Variants in XKR6 observed in about 807,000 individuals in gnomAD.
The protein encoded by XKR6 is XK related 6.
A neutral mutation model predicts 56.7 loss-of-function variants in XKR6; 22 were observed. The observed-to-expected ratio is 0.39, with a 90% CI of 0.28 to 0.55. The LOEUF is 0.55. Among genes scored for constraint, XKR6 ranks in the 20% least tolerant of loss-of-function variants. The pLI, the probability that XKR6 is intolerant of heterozygous loss-of-function variation, is 0.66. For synonymous variants in XKR6, 524 were observed against 387.8 expected, an observed-to-expected ratio of 1.35 and a Z score of -4.13; for missense variants, 852 against 889.0, an observed-to-expected ratio of 0.96 and a Z score of 0.53.
chr8:10,941,129 C>G (rs1801374341), intron 1 of XKR6, among the ~76,000 whole-genome samples: 1 of 152,126 alleles, frequency 6.6e-6, no homozygotes, highest in Non-Finnish European at 1.5e-5. Flanking sequence ...GACACGGAGA[C>G]CCCTCCAGGC....
chr8:11,131,390 T>A (rs1001363522), intron 1 of XKR6, among the ~76,000 whole-genome samples: 3 of 152,140 alleles, frequency 2.0e-5, no homozygotes, highest in South Asian at 2.1e-4. Flanking sequence ...GTAATTAACA[T>A]AGAAGGCATG....
intron 1 of XKR6, among the ~76,000 whole-genome samples, chr8:11,149,941 A>T (rs1801185809): frequency 6.6e-6 from 1 of 152,226 alleles, no homozygotes; most frequent in Admixed American, 6.5e-5. Flanking sequence ...GTCATGGATG[A>T]AACTGAAGGT....
intron 1 of XKR6, among the ~76,000 whole-genome samples, chr8:11,076,407 C>A (rs1286789919): frequency 6.6e-6 from 1 of 152,106 alleles, no homozygotes; most frequent in South Asian, 2.1e-4. Flanking sequence ...ATTTTACGAT[C>A]GTGACTTGAA....
At chr8:11,102,079 C>G (rs886070321) in intron 1 of XKR6, among the ~76,000 whole-genome samples, 4 of 152,198 alleles carry the variant, frequency 2.6e-5, no homozygotes, top group African/African-American at 9.7e-5. Flanking sequence ...GCTGGAAAAG[C>G]AGTCACTGGC....
intron 1 of XKR6, among the ~76,000 whole-genome samples, chr8:10,975,904 G>T (rs1023179781): frequency 6.6e-6 from 1 of 152,256 alleles, no homozygotes; most frequent in African/African-American, 2.4e-5. Context: ...CCACCACGCA[G>T]TGGCTCACGC....
At chr8:11,148,815 A>C (rs1435376133) in intron 1 of XKR6, among the ~76,000 whole-genome samples, 2 of 152,242 alleles carry the variant, frequency 1.3e-5, no homozygotes, top group Non-Finnish European at 2.9e-5. Context: ...TGGTGTTTCC[A>C]TATGATGCAA....
chr8:11,134,203 AAAC>A (rs1326562739), intron 1 of XKR6, among the ~76,000 whole-genome samples: 1 of 152,082 alleles, frequency 6.6e-6, no homozygotes, highest in African/African-American at 2.4e-5. Context: ...CTATGTCCCC[AAAC>A]AACCCTCTCC....
At chr8:10,916,237 CT>C (rs2129113499) in intron 2 of XKR6, among the ~76,000 whole-genome samples, 1 of 152,366 alleles carries the variant, frequency 6.6e-6, no homozygotes, top group East Asian at 1.9e-4. Context: ...ACAAATTTTA[CT>C]TCTCATTCCT....
At chr8:10,944,277 T>C (rs1054734022) in intron 1 of XKR6, among the ~76,000 whole-genome samples, 3 of 152,170 alleles carry the variant, frequency 2.0e-5, no homozygotes, top group Admixed American at 6.5e-5. Context: ...GGGCAGCAGC[T>C]AAATTCAAGC....
intron 1 of XKR6, among the ~76,000 whole-genome samples, chr8:11,007,869 G>T (rs1798406806): frequency 6.6e-6 from 1 of 152,054 alleles, no homozygotes; most frequent in Non-Finnish European, 1.5e-5. Context: ...AAATTCGGGA[G>T]TGCACAACAA....
chr8:11,070,336 T>C (rs1398325367), intron 1 of XKR6, among the ~76,000 whole-genome samples: 1 of 152,206 alleles, frequency 6.6e-6, no homozygotes, highest in South Asian at 2.1e-4. Context: ...AGCAGTACAC[T>C]TCACTGAAAA....
Position 11,089,152 on chromosome 8 carries a change from A to G in XKR6, c.764+111424T>C, listed in dbSNP as rs546793630. 3.9e-5 allele frequency among the ~76,000 whole-genome samples: 6 copies of G among 152,306 alleles called. No individual in the cohort carries two copies. The East Asian group carries it at 1.2e-3, about 29-fold the overall frequency. On this transcript the variant is annotated intron_variant, in intron 1 of 2. Coordinates refer to ENST00000416569, the MANE Select transcript of XKR6 (RefSeq NM_173683.4). Reference sequence around the variant, plus strand: ...AGGTCCACTGGAGCATAAAGCTAGAATGAAACCAGGGAGTGGAGGGCCACA... The same window carrying G: ...AGGTCCACTGGAGCATAAAGCTAGAGTGAAACCAGGGAGTGGAGGGCCACA...
In XKR6 at chr8:11,144,886, GGAAGGGGAAGGA is replaced by G. The variant is rs373202841; in HGVS notation, c.764+55678_764+55689del. Among the ~76,000 whole-genome samples, 617 of 148,884 alleles carry G rather than the reference GGAAGGGGAAGGA, an allele frequency of 4.1e-3. 4 individuals carry two copies. The highest frequency in any genetic ancestry group is 0.014 in the African/African-American group (579 of 40,998). On this transcript the variant is annotated intron_variant, in intron 1 of 2. Coordinates refer to ENST00000416569, the MANE Select transcript of XKR6 (RefSeq NM_173683.4). Reference sequence around the variant, plus strand: ...GGTAGGGAGGGGAAAGGAGAGAAGGGGAAGGGGAAGGAGAAGGGGAAGGGGAAGGGAAAGAAG... The same window carrying G: ...GGTAGGGAGGGGAAAGGAGAGAAGGGGAAGGGGAAGGGGAAGGGAAAGAAG...
intron 1 of XKR6, among the ~76,000 whole-genome samples, chr8:11,039,500 T>C (rs1303787183): frequency 6.6e-6 from 1 of 152,224 alleles, no homozygotes; most frequent in Non-Finnish European, 1.5e-5. Context: ...TGTGTGCCTT[T>C]TCTCTTCCGA....
chr8:10,912,656 A>ATATATGTAAAGAGAGAAAGAGGGGG (rs1428431550), intron 2 of XKR6, among the ~76,000 whole-genome samples: 1 of 44,218 alleles, frequency 2.3e-5, no homozygotes, highest in African/African-American at 1.2e-4. Context: ...GGGTGTCTAT[A>ATATATGTAAAGAGAGAAAGAGGGGG]TGTGTGTCTA....
intron 1 of XKR6, among the ~76,000 whole-genome samples, chr8:11,002,948 T>C (rs1403984476): frequency 1.3e-5 from 2 of 151,922 alleles, no homozygotes; most frequent in Non-Finnish European, 2.9e-5. Context: ...AGGAGGCCCT[T>C]GTTGGGGCAC....
intron 1 of XKR6, among the ~76,000 whole-genome samples, chr8:11,129,846 T>C (rs1563159143): frequency 6.6e-6 from 1 of 151,654 alleles, no homozygotes; most frequent in Non-Finnish European, 1.5e-5. Flanking sequence ...AAGTTCACAA[T>C]AAATGTGTGA....
At position 10,987,719 on chromosome 8, in the gene XKR6, G is replaced by C. The variant is rs117733062; in HGVS notation, c.765-62889C>G. Among the ~76,000 whole-genome samples, 119 of 152,308 alleles carry C rather than the reference G, an allele frequency of 7.8e-4. No individual in the cohort carries two copies. In the East Asian group the frequency reaches 0.016, roughly 20 times the overall value. On this transcript the variant is annotated intron_variant, in intron 1 of 2. Transcript: ENST00000416569. ...CACTTCACCTAGATTAAGACCCCAA[G>C]CATTTACTATGGCCCCAAGATTTCC...
rs185451093 is a variant in XKR6, at chr8:11,081,301, G to T, written c.764+119275C>A. On this transcript the variant is annotated intron_variant, in intron 1 of 2. Transcript: ENST00000416569. ...TTCCTAATGCATTAAACACTCATATGGAATGAATCTGTTCCTGCAGGGGTA... is the reference window on the plus strand; with the variant it reads ...TTCCTAATGCATTAAACACTCATATTGAATGAATCTGTTCCTGCAGGGGTA... Among the ~76,000 whole-genome samples the T allele has an allele frequency of 1.7e-4, 26 of 152,278 alleles. No homozygotes were observed. The East Asian group carries it at 4.8e-3, about 28-fold the overall frequency.
Sources: allele counts gnomAD v4.1 joint callset (sites outside exome capture counted in the v4.1 genomes callset), GRCh38; gene constraint gnomAD v4.1.1; transcripts MANE v1.5; gene names NCBI Gene and HGNC (gene_info 2026-07-23, HGNC 2026-07-21).